RSU1: variants seen among roughly 807,000 people sequenced by gnomAD.
RSU1 encodes the protein rsu-1.
In RSU1, 26 loss-of-function variants were observed where a neutral mutation model predicts 31.1. The observed-to-expected ratio is 0.84, with a 90% CI of 0.61 to 1.16. The LOEUF is 1.16. Among genes scored for constraint, RSU1 ranks in the 50% most tolerant of loss-of-function variants. The pLI is 0.00. For missense variants in RSU1, 320 were observed against 339.1 expected (o/e 0.94, Z 0.44); for synonymous variants, 164 against 136.3 (o/e 1.20, Z -1.41).
intron 8 of RSU1, among the ~76,000 whole-genome samples, chr10:16,646,936 G>A (rs563921125): frequency 2.4e-4 from 36 of 152,104 alleles, no homozygotes; most frequent in Non-Finnish European, 5.0e-4. Flanking sequence ...GAACCAAAAT[G>A]TCAGATGGTA....
chr10:16,722,724 C>T (rs556235844), intron 7 of RSU1, among the ~76,000 whole-genome samples: 30 of 151,848 alleles, frequency 2.0e-4, no homozygotes, highest in Non-Finnish European at 3.7e-4. Flanking sequence ...AGCTATCTGT[C>T]TTAAGAGCAC....
At chr10:16,657,754 A>G (rs1209997283) in intron 8 of RSU1, among the ~76,000 whole-genome samples, 1 of 152,164 alleles carries the variant, frequency 6.6e-6, no homozygotes, top group Non-Finnish European at 1.5e-5. Context: ...GCACTTTGGG[A>G]GGCTGAGGCG....
intron 7 of RSU1, among the ~76,000 whole-genome samples, chr10:16,750,848 C>G (rs1248727915): frequency 6.6e-6 from 1 of 150,446 alleles, no homozygotes; most frequent in Non-Finnish European, 1.5e-5. Context: ...TTATTAACCA[C>G]TGTACAAGAT....
chr10:16,714,501 G>A (rs755384529), intron 7 of RSU1, among the ~76,000 whole-genome samples: 31 of 152,202 alleles, frequency 2.0e-4, no homozygotes, highest in Admixed American at 2.6e-4. Context: ...TGGATGCACC[G>A]CGCTTGGTGG....
chr10:16,812,970 G>C (rs933594374), intron 2 of RSU1, among the ~76,000 whole-genome samples: 1 of 143,654 alleles, frequency 7.0e-6, no homozygotes, highest in Non-Finnish European at 1.5e-5. Flanking sequence ...GCAGCATTAC[G>C]ATTATGCTGG....
chr10:16,672,782 G>C (rs547983985), intron 8 of RSU1, among the ~76,000 whole-genome samples: 164 of 152,234 alleles, frequency 1.1e-3, no homozygotes, highest in African/African-American at 3.8e-3. Context: ...AAAACCCTTG[G>C]GGATGAGGAA....
chr10:16,738,992 G>A (rs1439701200), intron 7 of RSU1, among the ~76,000 whole-genome samples: 1 of 151,910 alleles, frequency 6.6e-6, no homozygotes, highest in Admixed American at 6.6e-5. Context: ...TTAGGCTGCT[G>A]AGAATGATGG....
At chr10:16,681,684 T>C (rs920801976) in intron 8 of RSU1, among the ~76,000 whole-genome samples, 3 of 152,094 alleles carry the variant, frequency 2.0e-5, no homozygotes, top group African/African-American at 7.2e-5. Flanking sequence ...GCTGTGCAGA[T>C]GGGGAAGCTG....
intron 7 of RSU1, among the ~76,000 whole-genome samples, chr10:16,725,078 T>C (rs1395633147): frequency 2.0e-5 from 3 of 152,232 alleles, no homozygotes; most frequent in Non-Finnish European, 4.4e-5. Flanking sequence ...GTGTTCTATT[T>C]CTTCACCTGA....
rs1484536582 is a variant in RSU1 at position 16,656,084 on chromosome 10, TTG to T, written c.731+38937_731+38938del. On this transcript the variant is annotated intron_variant, in intron 8 of 8. Transcript: ENST00000345264. ...ATAATAAATTATTGAAATTTACATG[TTG>T]TTAGAAAAAAATAAATTAGGTTGCA... Among the ~76,000 whole-genome samples the T allele has an allele frequency of 3.9e-5, 6 of 152,260 alleles. No homozygotes were observed. In the East Asian group the frequency reaches 1.2e-3, roughly 29 times the overall value.
intron 7 of RSU1, among the ~76,000 whole-genome samples, chr10:16,749,124 C>T (rs972534943): frequency 2.0e-5 from 3 of 152,238 alleles, no homozygotes; most frequent in East Asian, 1.9e-4. Context: ...AATGGGTACA[C>T]GAGACTCAAC....
intron 2 of RSU1, among the ~76,000 whole-genome samples, chr10:16,803,318 T>A (rs1401689414): frequency 1.3e-5 from 2 of 152,132 alleles, no homozygotes; most frequent in African/African-American, 2.4e-5. Context: ...ACAAGCTCTA[T>A]ATGAGAAAAG....
At chr10:16,805,057 C>A (rs1838237051) in intron 2 of RSU1, among the ~76,000 whole-genome samples, 1 of 151,940 alleles carries the variant, frequency 6.6e-6, no homozygotes, top group Admixed American at 6.6e-5. Context: ...AAAAATTTGC[C>A]GGGTGTGATG....
chr10:16,698,164 A>G (rs1588721898), intron 7 of RSU1, among the ~76,000 whole-genome samples: 1 of 151,746 alleles, frequency 6.6e-6, no homozygotes, highest in Non-Finnish European at 1.5e-5. Flanking sequence ...TGACACACAC[A>G]AGTCTCAGCT....
chr10:16,809,473 C>T (rs1232336963), intron 2 of RSU1, among the ~76,000 whole-genome samples: 2 of 152,158 alleles, frequency 1.3e-5, no homozygotes, highest in African/African-American at 4.8e-5. Context: ...GAGCTGTGTC[C>T]AGCCTCCCAG....
chr10:16,736,885 G>C (rs1368428617), intron 7 of RSU1, among the ~76,000 whole-genome samples: 1 of 152,012 alleles, frequency 6.6e-6, no homozygotes, highest in Non-Finnish European at 1.5e-5. Context: ...ACTTGGAAGT[G>C]AAAAATGCAA....
At chr10:16,594,449 T>C (rs1400561225) in intron 8 of RSU1, among the ~76,000 whole-genome samples, 1 of 151,696 alleles carries the variant, frequency 6.6e-6, no homozygotes, top group Non-Finnish European at 1.5e-5. Flanking sequence ...TCTGTCACTC[T>C]GCTCCCCAGG....
At chr10:16,714,551 T>C (rs577844170) in intron 7 of RSU1, among the ~76,000 whole-genome samples, 154 of 152,202 alleles carry the variant, frequency 1.0e-3, no homozygotes, top group African/African-American at 3.5e-3. Flanking sequence ...GGAGAGGTAA[T>C]TGGCTGACTG....
intron 7 of RSU1, among the ~76,000 whole-genome samples, chr10:16,717,841 A>AAAAC (rs1836174397): frequency 6.6e-6 from 1 of 152,146 alleles, no homozygotes; most frequent in South Asian, 2.1e-4. Flanking sequence ...TAACACAAAA[A>AAAAC]AAACGCATTA....
Sources: allele counts gnomAD v4.1 joint callset (sites outside exome capture counted in the v4.1 genomes callset), GRCh38; gene constraint gnomAD v4.1.1; transcripts MANE v1.5; gene names NCBI Gene and HGNC (gene_info 2026-07-23, HGNC 2026-07-21).